KLHL2: variants seen among roughly 807,000 people sequenced by gnomAD.
KLHL2 encodes the protein kelch-like protein 2.
In KLHL2, 15 loss-of-function variants were observed where a neutral mutation model predicts 75.8. The observed-to-expected ratio is 0.20, with a 90% CI of 0.13 to 0.30. The LOEUF is 0.30. Ranked by LOEUF, KLHL2 falls within the 10% of genes least tolerant of loss-of-function variation. The pLI, the probability that KLHL2 is intolerant of heterozygous loss-of-function variation, is 1.00. For missense variants in KLHL2, 381 were observed against 741.0 expected (o/e 0.51, Z 5.64); for synonymous variants, 214 against 251.9 (o/e 0.85, Z 1.42).
At chr4:165,253,454 A>G (rs970433063) in intron 4 of KLHL2, among the ~76,000 whole-genome samples, 10 of 152,250 alleles carry the variant, frequency 6.6e-5, no homozygotes, top group African/African-American at 1.2e-4. Context: ...AAAAGTTTGT[A>G]TATAATCAGT....
intron 14 of KLHL2, 113 bp from the exon 15 acceptor site, chr4:165,321,919 A>G (rs1747013278): frequency 2.2e-6 from 2 of 913,140 alleles, no homozygotes; most frequent in South Asian, 1.4e-5. Flanking sequence ...ATTCTGAAAC[A>G]TGATTTGTAC....
intron 3 of KLHL2, among the ~76,000 whole-genome samples, chr4:165,234,270 A>G (rs1182892349): frequency 6.6e-6 from 1 of 152,214 alleles, no homozygotes; most frequent in Non-Finnish European, 1.5e-5. Context: ...ACCTAAGAAC[A>G]AAAAGGTGGT....
At chr4:165,308,456 T>C (rs1745897190) in intron 9 of KLHL2, among the ~76,000 whole-genome samples, 1 of 152,242 alleles carries the variant, frequency 6.6e-6, no homozygotes, top group Admixed American at 6.5e-5. Context: ...CTGTGTAAAC[T>C]TGGCCAAATT....
intron 4 of KLHL2, among the ~76,000 whole-genome samples, chr4:165,242,232 G>A (rs931259637): frequency 5.9e-5 from 9 of 152,124 alleles, no homozygotes; most frequent in Non-Finnish European, 1.0e-4. Context: ...GAGTTTCAAA[G>A]CAAACTTTAT....
chr4:165,273,379 G>T (rs1305999787), intron 5 of KLHL2, among the ~76,000 whole-genome samples: 1 of 152,040 alleles, frequency 6.6e-6, no homozygotes, highest in Non-Finnish European at 1.5e-5. Context: ...CATATCTTTG[G>T]TGTATTGATA....
intron 4 of KLHL2, among the ~76,000 whole-genome samples, chr4:165,248,294 T>A (rs928547180): frequency 1.3e-5 from 2 of 152,128 alleles, no homozygotes; most frequent in African/African-American, 4.8e-5. Context: ...GATTTAGGTT[T>A]TAAAAAGTTC....
intron 1 of KLHL2, among the ~76,000 whole-genome samples, chr4:165,214,592 A>AT (rs1276426824): frequency 6.6e-6 from 1 of 152,154 alleles, no homozygotes; most frequent in Non-Finnish European, 1.5e-5. Context: ...CACCTCAGAC[A>AT]TCCCAACCTC....
chr4:165,208,909 C>G (rs1042504198), intron 1 of KLHL2, among the ~76,000 whole-genome samples: 2 of 152,172 alleles, frequency 1.3e-5, no homozygotes, highest in Non-Finnish European at 2.9e-5. Flanking sequence ...TGTACCGCAC[C>G]AGTCTCTTGT....
chr4:165,297,512 A>G, intron 6 of KLHL2, 97 bp from the exon 7 acceptor site: 1 of 733,586 alleles, frequency 1.4e-6, no homozygotes, highest in South Asian at 1.6e-5. Flanking sequence ...TGGATGTCTT[A>G]GCAAGAGTTA....
intron 4 of KLHL2, among the ~76,000 whole-genome samples, chr4:165,262,347 T>C (rs1044297367): frequency 6.6e-6 from 1 of 152,206 alleles, no homozygotes; most frequent in African/African-American, 2.4e-5. Context: ...GAGACTGTTG[T>C]TGAACTTTAA....
At chr4:165,254,183 T>C (rs554207060) in intron 4 of KLHL2, among the ~76,000 whole-genome samples, 9 of 152,262 alleles carry the variant, frequency 5.9e-5, no homozygotes, top group Non-Finnish European at 8.8e-5. Context: ...TGTTCTAATA[T>C]GATGATAGGT....
chr4:165,297,498 A>C (rs1745005823), intron 6 of KLHL2, 111 bp from the exon 7 acceptor site: 2 of 675,064 alleles, frequency 3.0e-6, no homozygotes. Context: ...CTGTGAATTA[A>C]ACTTGGATGT....
At chr4:165,214,369 T>A (rs1737393752) in intron 1 of KLHL2, among the ~76,000 whole-genome samples, 1 of 152,212 alleles carries the variant, frequency 6.6e-6, no homozygotes, top group Non-Finnish European at 1.5e-5. Context: ...TTATAAAATA[T>A]TCCTTAGGAG....
At position 165,207,796 on chromosome 4, in the gene KLHL2, G is replaced by C; in HGVS notation, c.-81G>C. ...GCGGATGGAACGCGGCTCGGCGGGC[G>C]GGCAGTGCCGGCGTCCGCGGCTGGA... On this transcript the variant is annotated 5_prime_UTR_variant, in exon 1 of 15. Coordinates refer to ENST00000226725, the MANE Select transcript of KLHL2 (RefSeq NM_007246.4). The surrounding 1 kb of genome is among the most constrained non-coding windows in gnomAD (Gnocchi z 4.2). The C allele has an allele frequency of 4.0e-6, 5 of 1,254,138 alleles. No individual in the cohort carries two copies. The highest frequency in any genetic ancestry group is 5.3e-6 in the Non-Finnish European group (5 of 941,380). 77.7% of individuals were successfully genotyped at this position (1,254,138 alleles called of 1,614,324 possible).
chr4:165,283,723 C>A (rs1396490538), intron 5 of KLHL2, among the ~76,000 whole-genome samples: 1 of 152,178 alleles, frequency 6.6e-6, no homozygotes, highest in Non-Finnish European at 1.5e-5. Context: ...CTAGGCAGTA[C>A]CCCAGTAGGG....
intron 8 of KLHL2, among the ~76,000 whole-genome samples, chr4:165,303,500 C>CCCCG (rs1553963744): frequency 6.8e-6 from 1 of 146,108 alleles, no homozygotes; most frequent in African/African-American, 2.5e-5. Context: ...CCTTGCCCCC[C>CCCCG]CCGCCGTTTT....
intron 8 of KLHL2, 62 bp downstream of exon 8, chr4:165,299,718 A>C: frequency 7.1e-7 from 1 of 1,407,532 alleles, no homozygotes; most frequent in Admixed American, 2.5e-5. Flanking sequence ...TGAAGCTGTT[A>C]GTATTTTGCT....
chr4:165,232,442 A>G (rs10005213), intron 3 of KLHL2, among the ~76,000 whole-genome samples: 5,300 of 151,452 alleles, frequency 0.035, 202 homozygotes, highest in East Asian at 0.099. Context: ...AAAAAAAAAA[A>G]GATAAAGGCA....
intron 2 of KLHL2, among the ~76,000 whole-genome samples, chr4:165,226,947 G>A (rs1028027266): frequency 6.6e-6 from 1 of 152,014 alleles, no homozygotes; most frequent in Admixed American, 6.6e-5. Context: ...ATAACATTGT[G>A]GTGGGCACTA....
Sources: allele counts gnomAD v4.1 joint callset (sites outside exome capture counted in the v4.1 genomes callset), GRCh38; gene constraint gnomAD v4.1.1; non-coding constraint Gnocchi (gnomAD v3.1); transcripts MANE v1.5; gene names NCBI Gene and HGNC (gene_info 2026-07-23, HGNC 2026-07-21).